BLOC1S2: variants seen among roughly 807,000 people sequenced by gnomAD.
The protein encoded by BLOC1S2 is biogenesis of lysosomal organelles complex 1 subunit 2.
BLOC1S2 carries 12 observed loss-of-function variants against 19.6 expected under a neutral mutation model. The observed-to-expected ratio is 0.61, with a 90% CI of 0.39 to 0.99. BLOC1S2 has a LOEUF of 0.99. Ranked by LOEUF, BLOC1S2 falls within the 50% of genes least tolerant of loss-of-function variation. The pLI is 0.00. For synonymous variants in BLOC1S2, 66 were observed against 64.1 expected (o/e 1.03, Z -0.14); for missense variants, 142 against 171.0 (o/e 0.83, Z 0.95).
intron 4 of BLOC1S2, 162 bp downstream of exon 4, chr10:100,279,962 C>A (rs1848060794): frequency 2.3e-6 from 1 of 426,294 alleles, no homozygotes. Context: ...ATTAAGTAAT[C>A]AGGAAATGTT....
Position 100,273,992 on chromosome 10 carries a change from C to T in BLOC1S2, c.*1470G>A, listed in dbSNP as rs920378199. 4.6e-5 allele frequency: 7 copies of T among 151,950 alleles called. No homozygotes were observed. Among genetic ancestry groups the T allele is most frequent in the African/African-American group, 1.5e-4 (6 of 41,374 alleles). The allele number at this position is 151,950 out of a possible 1,614,324, so 9.4% of individuals were successfully genotyped here. The stretch of plus-strand genomic sequence containing the variant: ...TTAAATAGGGGCCTTATGTTAGGCA[C>T]GGTGGTTCATGCCTACAATCTCAGC... On this transcript the variant is annotated 3_prime_UTR_variant, in exon 5 of 5. Coordinates refer to ENST00000370372, the MANE Select transcript of BLOC1S2 (RefSeq NM_173809.5).
rs550868045 is a variant in BLOC1S2, at chr10:100,276,122, C to T, written c.398-629G>A. Among the ~76,000 whole-genome samples, 159 of 152,270 alleles carry T rather than the reference C, an allele frequency of 1.0e-3. 3 individuals are homozygous for T. In the South Asian group the frequency reaches 0.03, roughly 29 times the overall value. The stretch of plus-strand genomic sequence containing the variant: ...CCTGCCTTCTACGCGGTAAGGTTCA[C>T]GGTAATCACTGGCTAAATGTAACTG... On this transcript the variant is annotated intron_variant, in intron 4 of 4. Coordinates refer to ENST00000370372, the MANE Select transcript of BLOC1S2 (RefSeq NM_173809.5).
At chr10:100,284,745 C>T (rs1048712255) in intron 2 of BLOC1S2, among the ~76,000 whole-genome samples, 3 of 152,124 alleles carry the variant, frequency 2.0e-5, no homozygotes, top group Non-Finnish European at 4.4e-5. Flanking sequence ...CCTGCCTAGG[C>T]CTCCCGAAGT....
At chr10:100,276,964 A>T (rs1847896651) in intron 4 of BLOC1S2, among the ~76,000 whole-genome samples, 1 of 148,282 alleles carries the variant, frequency 6.7e-6, no homozygotes, top group Admixed American at 6.7e-5. Flanking sequence ...CTGGCTGCCC[A>T]TCGTCTGGGA....
Position 100,286,206 on chromosome 10 carries a change from G to A in BLOC1S2, c.63C>T (p.Ala21=). ...TRSDEPARDD[A]AVETAEEAKE... ...TTGCTTCCTCAGCTGTCTCCACGGC[G>A]GCATCGTCTGGGCCAAGGGAGAATG... The change falls in exon 2 of 5, where the codon GCC becomes GCT. Residue 21 remains alanine, a synonymous_variant. Coordinates refer to ENST00000370372, the MANE Select transcript of BLOC1S2 (RefSeq NM_173809.5). 2 of 1,613,772 alleles carry A rather than the reference G, an allele frequency of 1.2e-6. No homozygotes were observed. Among genetic ancestry groups the A allele is most frequent in the Non-Finnish European group, 1.7e-6 (2 of 1,179,856 alleles).
At chr10:100,284,753 A>C (rs1848193478) in intron 2 of BLOC1S2, among the ~76,000 whole-genome samples, 2 of 152,090 alleles carry the variant, frequency 1.3e-5, no homozygotes, top group South Asian at 4.2e-4. Context: ...GGCCTCCCGA[A>C]GTGCTGGGAT....
At chr10:100,275,587 AT>A in intron 4 of BLOC1S2, 94 bp from the exon 5 acceptor site, 1 of 1,094,988 alleles carries the variant, frequency 9.1e-7, no homozygotes, top group Admixed American at 2.1e-5. Flanking sequence ...AAAAATATGT[AT>A]AATATTACTA....
chr10:100,282,722 A>G (rs946392098), intron 2 of BLOC1S2, among the ~76,000 whole-genome samples: 1 of 152,240 alleles, frequency 6.6e-6, no homozygotes, highest in Non-Finnish European at 1.5e-5. Flanking sequence ...GGAAATATCA[A>G]TTTACTCTTA....
At chr10:100,276,329 CTCTCCCG>C (rs1847853176) in intron 4 of BLOC1S2, among the ~76,000 whole-genome samples, 1 of 67,448 alleles carries the variant, frequency 1.5e-5, no homozygotes, top group African/African-American at 5.9e-5. Context: ...CTCCCTCTCT[CTCTCCCG>C]TCTCCCTCTC....
At chr10:100,277,891 A>G (rs1847966299) in intron 4 of BLOC1S2, among the ~76,000 whole-genome samples, 1 of 103,432 alleles carries the variant, frequency 9.7e-6, no homozygotes, top group Non-Finnish European at 2.0e-5. Context: ...TGGGGGGGTC[A>G]GCCCCCCGCC....
intron 2 of BLOC1S2, among the ~76,000 whole-genome samples, chr10:100,281,474 G>A (rs1418796308): frequency 2.0e-5 from 3 of 152,008 alleles, no homozygotes; most frequent in Non-Finnish European, 2.9e-5. Context: ...CACGAGGTCA[G>A]GAGTTCAAGA....
At chr10:100,277,224 T>C (rs1319593350) in intron 4 of BLOC1S2, among the ~76,000 whole-genome samples, 3 of 141,280 alleles carry the variant, frequency 2.1e-5, no homozygotes, top group African/African-American at 5.4e-5. Context: ...ACCCTCCGCC[T>C]GGTAACCGCC....
chr10:100,283,377 G>A (rs1330967295), intron 2 of BLOC1S2, among the ~76,000 whole-genome samples: 3 of 152,056 alleles, frequency 2.0e-5, no homozygotes, highest in African/African-American at 2.4e-5. Context: ...GGATGGAGTC[G>A]TGCTATGTTG....
intron 4 of BLOC1S2, among the ~76,000 whole-genome samples, chr10:100,279,619 A>T (rs1195922988): frequency 6.6e-6 from 1 of 152,192 alleles, no homozygotes. Flanking sequence ...TATTGGGAAG[A>T]TAAAAAACAT....
intron 4 of BLOC1S2, among the ~76,000 whole-genome samples, chr10:100,276,578 T>G (rs1306206561): frequency 6.6e-6 from 1 of 150,986 alleles, no homozygotes; most frequent in South Asian, 2.1e-4. Flanking sequence ...ACTGCTGCCA[T>G]CTCGGCTCGC....
intron 4 of BLOC1S2, among the ~76,000 whole-genome samples, chr10:100,277,575 C>G (rs1255506908): frequency 8.4e-6 from 1 of 119,128 alleles, no homozygotes; most frequent in African/African-American, 3.3e-5. Flanking sequence ...GCCCCCCGCC[C>G]GGCCAGCCGC....
chr10:100,279,602 C>T (rs1338525123), intron 4 of BLOC1S2, among the ~76,000 whole-genome samples: 1 of 152,106 alleles, frequency 6.6e-6, no homozygotes, highest in African/African-American at 2.4e-5. Context: ...GTACTTACCT[C>T]ACAGATTATT....
chr10:100,274,788 C>T lies in BLOC1S2; in HGVS notation c.*674G>A. 2.5e-6 allele frequency: 1 copy of T among 395,518 alleles called. No individual in the cohort carries two copies. Among genetic ancestry groups the T allele is most frequent in the Non-Finnish European group, 4.5e-6 (1 of 224,618 alleles). The allele number at this position is 395,518 out of a possible 1,614,324, so 24.5% of individuals were successfully genotyped here. ...CACATACCCATCTAGTCTTTGTTTT[C>T]ATCACATTTCCCAAACTGATCGCAT... On this transcript the variant is annotated 3_prime_UTR_variant, in exon 5 of 5. Transcript: ENST00000370372.
chr10:100,276,387 CG>C (rs1485690903), intron 4 of BLOC1S2, among the ~76,000 whole-genome samples: 14 of 49,114 alleles, frequency 2.9e-4, no homozygotes, highest in Non-Finnish European at 4.0e-4. Flanking sequence ...CTCCCTCTCC[CG>C]TCTCCCTCTC....
Sources: allele counts gnomAD v4.1 joint callset (sites outside exome capture counted in the v4.1 genomes callset), GRCh38; gene constraint gnomAD v4.1.1; transcripts MANE v1.5; gene names NCBI Gene and HGNC (gene_info 2026-07-23, HGNC 2026-07-21).